Variants in VPS54 observed in about 807,000 individuals in gnomAD.
VPS54 encodes the protein VPS54 subunit of GARP complex.
Under a neutral mutation model 121.5 loss-of-function variants are expected in VPS54, and 45 were observed. That is an observed-to-expected ratio of 0.37 (90% CI 0.29 to 0.47). The LOEUF is 0.47. Ranked by LOEUF, VPS54 falls within the 20% of genes least tolerant of loss-of-function variation. VPS54 has a pLI of 0.99. For missense variants in VPS54, 1,090 were observed against 1,131.4 expected, an observed-to-expected ratio of 0.96 and a Z score of 0.52; for synonymous variants, 371 against 385.8, an observed-to-expected ratio of 0.96 and a Z score of 0.45.
chr2:63,969,473 A>G (rs899488796), intron 4 of VPS54, among the ~76,000 whole-genome samples: 1 of 152,146 alleles, frequency 6.6e-6, no homozygotes, highest in Non-Finnish European at 1.5e-5. Context: ...TGAACTGCAC[A>G]TGTCAGAGAT....
At chr2:63,952,667 A>G (rs1298925703) in intron 7 of VPS54, among the ~76,000 whole-genome samples, 1 of 152,210 alleles carries the variant, frequency 6.6e-6, no homozygotes, top group Non-Finnish European at 1.5e-5. Flanking sequence ...TTTGCATCTT[A>G]CAACAGGAAA....
intron 20 of VPS54, among the ~76,000 whole-genome samples, chr2:63,900,262 C>T (rs914824360): frequency 6.9e-6 from 1 of 145,764 alleles, no homozygotes; most frequent in Non-Finnish European, 1.5e-5. Flanking sequence ...TCAGTATGAT[C>T]GTATCTGAAA....
At chr2:63,923,701 T>C (rs1224653261) in intron 12 of VPS54, among the ~76,000 whole-genome samples, 1 of 152,248 alleles carries the variant, frequency 6.6e-6, no homozygotes, top group Non-Finnish European at 1.5e-5. Context: ...ATATTTTCCA[T>C]TGTTTTTCTC....
chr2:63,979,678 G>A (rs1366079706), intron 3 of VPS54, among the ~76,000 whole-genome samples: 3 of 152,100 alleles, frequency 2.0e-5, no homozygotes, highest in Admixed American at 6.5e-5. Flanking sequence ...GATATGTTGT[G>A]TTTTCATTTC....
At chr2:64,016,091 GC>G (rs1031821913) in intron 1 of VPS54, among the ~76,000 whole-genome samples, 12 of 152,170 alleles carry the variant, frequency 7.9e-5, no homozygotes, top group Non-Finnish European at 1.3e-4. Flanking sequence ...TCATCTGGTT[GC>G]TGCCAACTAA....
rs1001974639 is a variant in VPS54 at position 63,992,012 on chromosome 2, C to T, written c.-20-7993G>A. ...GCCCTTTACCTCAAGGTTTGGTGAG[C>T]CTGGTGTTAGGTAGGGCATCCACCT... is the stretch of plus-strand genomic sequence containing the variant. On this transcript the variant is annotated intron_variant, in intron 1 of 22. Transcript: ENST00000272322. Among the ~76,000 whole-genome samples, 6 of 152,160 alleles carry T rather than the reference C, an allele frequency of 3.9e-5. No homozygotes were observed. The East Asian group carries it at 1.2e-3, about 29-fold the overall frequency.
chr2:63,965,269 G>A (rs1489558262), intron 6 of VPS54, among the ~76,000 whole-genome samples: 2 of 152,090 alleles, frequency 1.3e-5, no homozygotes, highest in East Asian at 1.9e-4. Context: ...GAGGTCAGGA[G>A]TTCGAGACCA....
At chr2:64,014,504 A>G (rs1463420540) in intron 1 of VPS54, among the ~76,000 whole-genome samples, 1 of 152,220 alleles carries the variant, frequency 6.6e-6, no homozygotes, top group Non-Finnish European at 1.5e-5. Context: ...GTTTGCCCCT[A>G]TATTAAGGAG....
At chr2:63,936,513 C>T (rs369920005) in intron 11 of VPS54, among the ~76,000 whole-genome samples, 68 of 151,950 alleles carry the variant, frequency 4.5e-4, no homozygotes, top group African/African-American at 1.6e-3. Context: ...TATTGATAAC[C>T]ATAATGACAA....
intron 1 of VPS54, among the ~76,000 whole-genome samples, chr2:64,015,750 A>T (rs61651647): frequency 0.026 from 3,909 of 149,172 alleles, 167 homozygotes; most frequent in African/African-American, 0.091. Flanking sequence ...ATATTTTTTT[A>T]AAATTTGGAT....
chr2:63,920,581 G>C lies in VPS54; in HGVS notation c.1916C>G (p.Ser639Cys), dbSNP rs747669772. 2.6e-6 allele frequency: 4 copies of C among 1,559,740 alleles called. No individual in the cohort carries two copies. The Admixed American group carries it at 7.6e-5, about 30-fold the overall frequency. The part of the protein sequence containing the change: ...KLNSMEFITL[S>C]RLMETFILDT... ...TAAAATGAATGTTTCCATTAATCTA[G>C]AAAGTGTTATGAATTCCATGGAATT... is the stretch of plus-strand genomic sequence containing the variant. Residue 639 changes from serine (S) to cysteine (C), a missense_variant, in exon 14 of 23, where the codon TCT (serine) becomes TGT (cysteine). By Grantham distance (112) the Ser-to-Cys change is moderately radical. Around this residue, in one of 2 missense-constraint regions of VPS54, gnomAD observed 801 missense variants for 757.0 expected, o/e 1.06. Transcript: ENST00000272322.
In VPS54 at chr2:63,943,126, A is replaced by T. The variant is rs531894858; in HGVS notation, c.1302-565T>A. On this transcript the variant is annotated intron_variant, in intron 10 of 22. Transcript: ENST00000272322. ...TGTTGTAAATATTATATGAGTTAAT[A>T]AAAAATACTTAGAACAATTCATGAC... 6.6e-4 allele frequency among the ~76,000 whole-genome samples: 100 copies of T among 152,352 alleles called. 1 individual carries two copies. The highest frequency in any genetic ancestry group is 2.4e-3 in the African/African-American group (98 of 41,576).
chr2:63,944,802 G>C, intron 9 of VPS54, 147 bp from the exon 10 acceptor site: 1 of 606,644 alleles, frequency 1.6e-6, no homozygotes, highest in Non-Finnish European at 2.8e-6. Flanking sequence ...CAACATAACT[G>C]ATCATTAGAG....
chr2:64,002,572 C>T (rs1315773514), intron 1 of VPS54, among the ~76,000 whole-genome samples: 1 of 152,120 alleles, frequency 6.6e-6, no homozygotes, highest in Admixed American at 6.5e-5. Context: ...TTGATTTATT[C>T]TATTTACCAT....
rs1672595218 is a variant in VPS54, at chr2:63,899,693, A to G, written c.2626-112T>C. 1.9e-5 allele frequency: 16 copies of G among 840,302 alleles called. No homozygotes were observed. The Admixed American group carries it at 3.9e-4, about 20-fold the overall frequency. The allele number at this position is 840,302 out of a possible 1,614,324, so 52.1% of individuals were successfully genotyped here. A position where few individuals can be genotyped will look rare whatever the true frequency, so the allele number is the denominator to read the frequency against. Reference sequence around the variant, plus strand: ...CCCTCCACATATCCAATTCTGGCATAGTACTTAAGCTTACACTTTTCAACT... The same window carrying G: ...CCCTCCACATATCCAATTCTGGCATGGTACTTAAGCTTACACTTTTCAACT... On this transcript the variant is annotated intron_variant, in intron 20 of 22. Transcript: ENST00000272322.
intron 2 of VPS54, 52 bp downstream of exon 2, chr2:63,983,812 T>G: frequency 3.9e-6 from 6 of 1,543,116 alleles, no homozygotes; most frequent in Non-Finnish European, 5.2e-6. Flanking sequence ...ACTACTCATT[T>G]AAAGATAATA....
At chr2:63,924,785 G>C (rs1016764636) in intron 12 of VPS54, among the ~76,000 whole-genome samples, 1 of 152,178 alleles carries the variant, frequency 6.6e-6, no homozygotes, top group African/African-American at 2.4e-5. Flanking sequence ...CTGAATATTT[G>C]ATTTATGTCA....
At chr2:64,017,362 A>C (rs1352166152) in intron 1 of VPS54, among the ~76,000 whole-genome samples, 2 of 152,024 alleles carry the variant, frequency 1.3e-5, no homozygotes, top group Non-Finnish European at 2.9e-5. Context: ...AAAGAAACAA[A>C]AAAAAAGAGT....
At chr2:63,974,306 T>C (rs1001063458) in intron 3 of VPS54, among the ~76,000 whole-genome samples, 2 of 152,230 alleles carry the variant, frequency 1.3e-5, no homozygotes, top group Non-Finnish European at 2.9e-5. Context: ...CACTGACCCA[T>C]ATGTCTGTTC....
Sources: gnomAD v4.1 joint callset for allele counts (sites outside exome capture counted in the v4.1 genomes callset) on GRCh38, gnomAD v4.1.1 for gene constraint, gnomAD v4.1.1 regional missense constraint, MANE v1.5 for transcripts, NCBI Gene and HGNC (gene_info 2026-07-23, HGNC 2026-07-21) for gene names.